Variants in LPIN1 observed in about 807,000 individuals in gnomAD.
LPIN1 encodes lipin 1, also known as phosphatidate phosphatase LPIN1.
A neutral mutation model predicts 107.5 loss-of-function variants in LPIN1; 71 were observed. The ratio of observed to expected loss-of-function variants is 0.66; its 90% CI spans 0.55 to 0.80. The LOEUF (loss-of-function observed/expected upper bound fraction) is 0.80. Among genes scored for constraint, LPIN1 ranks in the 30% least tolerant of loss-of-function variants. The pLI, the probability that LPIN1 is intolerant of heterozygous loss-of-function variation, is 0.00. For missense variants in LPIN1, 1,043 were observed against 1,160.6 expected, an observed-to-expected ratio of 0.90 and a Z score of 1.47; for synonymous variants, 445 against 452.6, an observed-to-expected ratio of 0.98 and a Z score of 0.21.
intron 1 of LPIN1, among the ~76,000 whole-genome samples, chr2:11,759,125 T>C (rs568286322): frequency 7.4e-6 from 1 of 135,698 alleles, no homozygotes; most frequent in South Asian, 2.3e-4. Flanking sequence ...GCTAGCTTGC[T>C]TTCTTTCTTT....
In LPIN1 at chr2:11,773,485, C is replaced by T. The variant is rs1018188064; in HGVS notation, c.597-135C>T. 3 of 765,906 alleles carry T rather than the reference C, an allele frequency of 3.9e-6. No homozygotes were observed. In the African/African-American group the frequency reaches 5.2e-5, roughly 13 times the overall value. 47.4% of individuals were successfully genotyped at this position (765,906 alleles called of 1,614,324 possible). A position where few individuals can be genotyped will look rare whatever the true frequency, so the allele number is the denominator to read the frequency against. Reference sequence around the variant, plus strand: ...ATCTCACTTTTTCCCCCTCCACTGCCTGGAACAGATCTGGGTGTTTAAAGA... The same window carrying T: ...ATCTCACTTTTTCCCCCTCCACTGCTTGGAACAGATCTGGGTGTTTAAAGA... On this transcript the variant is annotated intron_variant, in intron 4 of 20. Coordinates refer to ENST00000674199, the MANE Select transcript of LPIN1 (RefSeq NM_001349206.2).
intron 10 of LPIN1, among the ~76,000 whole-genome samples, chr2:11,785,496 G>A (rs981582635): frequency 8.5e-5 from 13 of 152,174 alleles, no homozygotes; most frequent in Non-Finnish European, 5.9e-5. Context: ...AATCGGGTGG[G>A]CTTAGGTGAT....
At position 11,765,705 on chromosome 2, in the gene LPIN1, T is replaced by C. The variant is rs1221377110; in HGVS notation, c.164T>C (p.Met55Thr). ...CCTTTCCACGTCCGCTTTGGGAAGA[T>C]GGGGGTCCTGCGCTCCCGAGAGAAA... ...CSPFHVRFGKMGVLRSREKVV... is the reference protein window; with the variant it reads ...CSPFHVRFGKTGVLRSREKVV... Residue 55 changes from methionine to threonine, a missense_variant, in exon 2 of 21, where the codon ATG (methionine) becomes ACG (threonine). Transcript: ENST00000674199. The surrounding 1 kb of genome is among the most constrained non-coding windows in gnomAD (Gnocchi z 4.4). The C allele has an allele frequency of 1.9e-6, 3 of 1,612,078 alleles. No individual in the cohort carries two copies. The East Asian group carries it at 6.7e-5, about 36-fold the overall frequency.
At chr2:11,732,493 G>A (rs6733413) in intron 1 of LPIN1, among the ~76,000 whole-genome samples, 3,097 of 152,236 alleles carry the variant, frequency 0.02, 96 homozygotes, top group African/African-American at 0.071. Flanking sequence ...ATGTGTTTCC[G>A]CATCAGGTTG....
chr2:11,741,312 A>C (rs1558778950), intron 1 of LPIN1: 1 of 1,451,070 alleles, frequency 6.9e-7, no homozygotes, highest in African/African-American at 1.4e-5. Context: ...ACTGGAGAGA[A>C]AAAGAACATT....
intron 1 of LPIN1, among the ~76,000 whole-genome samples, chr2:11,706,024 T>TGA (rs1663111586): frequency 6.6e-6 from 1 of 152,116 alleles, no homozygotes; most frequent in African/African-American, 2.4e-5. Flanking sequence ...AATGAGAGTT[T>TGA]CCCTGCACAA....
intron 1 of LPIN1, among the ~76,000 whole-genome samples, chr2:11,752,683 G>T (rs551344289): frequency 1.3e-5 from 2 of 151,610 alleles, no homozygotes; most frequent in Non-Finnish European, 2.9e-5. Context: ...CGCCCGCCTC[G>T]GCCTCCCAAA....
chr2:11,716,291 C>T (rs1010707733), intron 2 of LPIN1, among the ~76,000 whole-genome samples: 1 of 152,098 alleles, frequency 6.6e-6, no homozygotes, highest in Non-Finnish European at 1.5e-5. Context: ...CCGCTGTCCG[C>T]AGAAGGTAGG....
intron 6 of LPIN1, among the ~76,000 whole-genome samples, chr2:11,778,986 T>C (rs1673110100): frequency 1.3e-5 from 2 of 152,242 alleles, no homozygotes; most frequent in African/African-American, 4.8e-5. Context: ...ATCGAGTTTA[T>C]TTGTGGCATC....
intron 10 of LPIN1, 47 bp downstream of exon 10, chr2:11,785,123 A>G (rs1169378379): frequency 7.0e-7 from 1 of 1,426,722 alleles, no homozygotes; most frequent in African/African-American, 1.4e-5. Context: ...GCCGGTCAGA[A>G]GGCGCAGAGG....
At chr2:11,801,629 G>C (rs1414654378) in intron 14 of LPIN1, among the ~76,000 whole-genome samples, 1 of 152,064 alleles carries the variant, frequency 6.6e-6, no homozygotes, top group East Asian at 1.9e-4. Context: ...GATGAAGAGA[G>C]GTTGGTTAAT....
intron 1 of LPIN1, among the ~76,000 whole-genome samples, chr2:11,681,865 C>A (rs563172379): frequency 5.9e-5 from 9 of 152,330 alleles, no homozygotes; most frequent in African/African-American, 2.2e-4. Flanking sequence ...AGAGGCTGGG[C>A]GACGTCCTCT....
intron 11 of LPIN1, among the ~76,000 whole-genome samples, chr2:11,787,999 A>G (rs189024008): frequency 5.3e-5 from 8 of 152,130 alleles, no homozygotes; most frequent in Non-Finnish European, 7.4e-5. Flanking sequence ...ATGTACAGGT[A>G]TTTTTGCAGA....
intron 1 of LPIN1, among the ~76,000 whole-genome samples, chr2:11,700,014 C>T (rs1260348901): frequency 6.6e-6 from 1 of 152,194 alleles, no homozygotes; most frequent in Non-Finnish European, 1.5e-5. Context: ...CCTGGCACAG[C>T]CCTTGGCACA....
intron 1 of LPIN1, among the ~76,000 whole-genome samples, chr2:11,704,724 C>T (rs1387772686): frequency 6.6e-6 from 1 of 152,182 alleles, no homozygotes; most frequent in Admixed American, 6.5e-5. Flanking sequence ...GTCTCACAGT[C>T]ACACAGCTGG....
intron 2 of LPIN1, chr2:11,767,387 C>G (rs1185991857): frequency 1.1e-5 from 3 of 282,650 alleles, no homozygotes; most frequent in African/African-American, 6.7e-5. Flanking sequence ...GCCTCAGCTC[C>G]TCAGCCAAAA....
chr2:11,686,138 C>T (rs376289905), intron 1 of LPIN1, among the ~76,000 whole-genome samples: 7 of 152,260 alleles, frequency 4.6e-5, no homozygotes, highest in Admixed American at 6.5e-5. Context: ...ACACAGCAAG[C>T]GCCTGGAACT....
At chr2:11,794,409 G>A (rs1014482212) in intron 13 of LPIN1, among the ~76,000 whole-genome samples, 1 of 152,018 alleles carries the variant, frequency 6.6e-6, no homozygotes, top group African/African-American at 2.4e-5. Context: ...ACATATTTGG[G>A]AAATAGTCTA....
chr2:11,815,586 G>A (rs1680440293), intron 18 of LPIN1, among the ~76,000 whole-genome samples: 1 of 151,722 alleles, frequency 6.6e-6, no homozygotes, highest in South Asian at 2.1e-4. Context: ...CGTCTTTTTG[G>A]GTCACTCTCC....
Sources: gnomAD v4.1 joint callset for allele counts (sites outside exome capture counted in the v4.1 genomes callset) on GRCh38, gnomAD v4.1.1 for gene constraint, Gnocchi (gnomAD v3.1) non-coding constraint, MANE v1.5 for transcripts, NCBI Gene and HGNC (gene_info 2026-07-23, HGNC 2026-07-21) for gene names.